SPATS2: variants seen among roughly 807,000 people sequenced by gnomAD.
SPATS2 encodes the protein spermatogenesis associated serine rich 2.
Under a neutral mutation model 63.7 loss-of-function variants are expected in SPATS2, and 38 were observed. The observed-to-expected ratio is 0.60, with a 90% CI of 0.46 to 0.78. The LOEUF (loss-of-function observed/expected upper bound fraction) is 0.78, where lower values mean the gene tolerates loss of function less well. SPATS2 is among the 30% of genes least tolerant of loss of function. The pLI is 0.00. For synonymous variants in SPATS2, 207 were observed against 232.9 expected (o/e 0.89, Z 1.01); for missense variants, 588 against 666.2 (o/e 0.88, Z 1.29).
At chr12:49,388,057 C>T (rs1565697221) in intron 2 of SPATS2, among the ~76,000 whole-genome samples, 3 of 152,162 alleles carry the variant, frequency 2.0e-5, no homozygotes, top group Admixed American at 2.0e-4. Context: ...GCTGGAACTA[C>T]AGGCGTGCAC....
intron 2 of SPATS2, among the ~76,000 whole-genome samples, chr12:49,426,114 A>G (rs924589899): frequency 6.6e-6 from 1 of 152,212 alleles, no homozygotes; most frequent in Non-Finnish European, 1.5e-5. Context: ...GTGTTAGTCA[A>G]TTCATGCTAA....
At chr12:49,476,549 C>T (rs1319440037) in intron 3 of SPATS2, among the ~76,000 whole-genome samples, 2 of 152,096 alleles carry the variant, frequency 1.3e-5, no homozygotes, top group South Asian at 2.1e-4. Flanking sequence ...GTTGCTAAAC[C>T]GAAAGAGCAT....
intron 9 of SPATS2, among the ~76,000 whole-genome samples, chr12:49,509,889 G>A (rs188711131): frequency 1.3e-3 from 204 of 151,630 alleles, no homozygotes; most frequent in African/African-American, 4.5e-3. Context: ...AGAGGAAACC[G>A]TCTTCAAAGA....
At chr12:49,513,673 C>T (rs972844808) in intron 9 of SPATS2, among the ~76,000 whole-genome samples, 6 of 152,166 alleles carry the variant, frequency 3.9e-5, no homozygotes, top group African/African-American at 1.2e-4. Flanking sequence ...CACTATATGT[C>T]TATCTTTTGA....
At chr12:49,492,205 TTTTTTTC>T (rs1335657640) in intron 6 of SPATS2, among the ~76,000 whole-genome samples, 3 of 151,894 alleles carry the variant, frequency 2.0e-5, no homozygotes, top group Non-Finnish European at 4.4e-5. Flanking sequence ...ACCAGTTTCT[TTTTTTTC>T]TTTTTTCTTT....
intron 2 of SPATS2, among the ~76,000 whole-genome samples, chr12:49,404,683 T>C (rs574199210): frequency 6.6e-6 from 1 of 152,266 alleles, no homozygotes; most frequent in South Asian, 2.1e-4. Flanking sequence ...ATGCTGTCTT[T>C]GCCCCTCCAA....
At chr12:49,407,989 T>C (rs953816985) in intron 2 of SPATS2, among the ~76,000 whole-genome samples, 1 of 152,234 alleles carries the variant, frequency 6.6e-6, no homozygotes, top group Admixed American at 6.5e-5. Flanking sequence ...GCTAGCACAG[T>C]GTTTGACACA....
Position 49,484,611 on chromosome 12 carries a change from A to G in SPATS2, c.47A>G (p.Asp16Gly), listed in dbSNP as rs1260300429. ...NQKDSSGFIFDLQSNTVLAQG... is the reference protein window; with the variant it reads ...NQKDSSGFIFGLQSNTVLAQG... ...TCAGATTCATCAGGATTCATTTTTG[A>G]TTTGCAGTCCAATACCGTACTGGCC... The change falls in exon 4 of 14, where the codon GAT becomes GGT. Residue 16 changes from aspartate (D) to glycine (G), a missense_variant. Asp to Gly is a moderately conservative substitution (Grantham distance 94, BLOSUM62 -1). Transcript: ENST00000552918. 7.4e-6 allele frequency: 12 copies of G among 1,613,924 alleles called. No homozygotes were observed. The highest frequency in any genetic ancestry group is 1.0e-5 in the Non-Finnish European group (12 of 1,179,922).
chr12:49,514,733 A>G (rs1484659307), intron 10 of SPATS2, 120 bp downstream of exon 10: 2 of 864,896 alleles, frequency 2.3e-6, no homozygotes, highest in African/African-American at 3.4e-5. Flanking sequence ...TATTTAAATA[A>G]TCTTAAGCAG....
In SPATS2 at chr12:49,494,989, G is replaced by A. The variant is rs770122220; in HGVS notation, c.513G>A (p.Thr171=). 3.3e-5 allele frequency: 53 copies of A among 1,610,326 alleles called. No homozygotes were observed. Among genetic ancestry groups the A allele is most frequent in the Non-Finnish European group, 3.9e-5 (46 of 1,178,306 alleles). The change falls in exon 7 of 14, where the codon ACG becomes ACA. Residue 171 remains threonine (T), a synonymous_variant. Coordinates refer to ENST00000552918, the MANE Select transcript of SPATS2 (RefSeq NM_023071.4). The part of the protein sequence containing the change: ...LEDPESAMLD[T]LDRTGSMLQN... ...ATCCCGAGTCTGCCATGCTAGATAC[G>A]CTGGATAGAACAGGTGAGTTTATTA...
chr12:49,469,203 G>A (rs994596484), intron 3 of SPATS2, among the ~76,000 whole-genome samples: 1 of 151,804 alleles, frequency 6.6e-6, no homozygotes, highest in Non-Finnish European at 1.5e-5. Context: ...TTCGAGACCA[G>A]CCTGGCCAAC....
intron 2 of SPATS2, among the ~76,000 whole-genome samples, chr12:49,460,314 C>T (rs556567424): frequency 5.4e-5 from 8 of 148,364 alleles, no homozygotes; most frequent in East Asian, 2.1e-4. Context: ...ATTAGCTGGG[C>T]GTGGTGGTGC....
At chr12:49,386,442 A>C (rs1472045584) in intron 2 of SPATS2, among the ~76,000 whole-genome samples, 1 of 152,238 alleles carries the variant, frequency 6.6e-6, no homozygotes, top group Non-Finnish European at 1.5e-5. Flanking sequence ...CTGGGATTAC[A>C]GGCGTGAGCT....
At chr12:49,473,611 C>T (rs1946075056) in intron 3 of SPATS2, among the ~76,000 whole-genome samples, 1 of 152,190 alleles carries the variant, frequency 6.6e-6, no homozygotes, top group Non-Finnish European at 1.5e-5. Flanking sequence ...ATATTGAAAA[C>T]AGCATTGTTT....
chr12:49,498,148 ATATATATAT>A (rs1565751665), intron 8 of SPATS2, among the ~76,000 whole-genome samples: 1 of 129,102 alleles, frequency 7.7e-6, no homozygotes, highest in Non-Finnish European at 1.6e-5. Context: ...AAAAAAAAAT[ATATATATAT>A]ATATATATAT....
At chr12:49,460,205 C>T (rs1171828206) in intron 2 of SPATS2, among the ~76,000 whole-genome samples, 5 of 152,132 alleles carry the variant, frequency 3.3e-5, no homozygotes, top group African/African-American at 1.2e-4. Context: ...CCTGTAATCC[C>T]AGCACTTTGG....
intron 3 of SPATS2, among the ~76,000 whole-genome samples, chr12:49,467,602 T>C (rs1945945400): frequency 6.6e-6 from 1 of 152,256 alleles, no homozygotes; most frequent in South Asian, 2.1e-4. Flanking sequence ...TTTTGTCAGA[T>C]GATATTTTTC....
chr12:49,483,606 TA>T (rs1251139448), intron 3 of SPATS2, among the ~76,000 whole-genome samples: 1 of 152,266 alleles, frequency 6.6e-6, no homozygotes, highest in Non-Finnish European at 1.5e-5. Context: ...AAAGAATCTT[TA>T]ATTGAAACAT....
At chr12:49,486,093 G>T (rs1301684494) in intron 4 of SPATS2, among the ~76,000 whole-genome samples, 1 of 151,688 alleles carries the variant, frequency 6.6e-6, no homozygotes, top group Non-Finnish European at 1.5e-5. Context: ...TGTTGACTAT[G>T]GAGTCCTGTA....
Sources: allele counts gnomAD v4.1 joint callset (sites outside exome capture counted in the v4.1 genomes callset), GRCh38; gene constraint gnomAD v4.1.1; transcripts MANE v1.5; gene names NCBI Gene and HGNC (gene_info 2026-07-23, HGNC 2026-07-21).